TNKS: variants seen among roughly 807,000 people sequenced by gnomAD.
TNKS encodes the protein poly [ADP-ribose] polymerase tankyrase-1.
TNKS carries 72 observed loss-of-function variants against 135.8 expected under a neutral mutation model. The ratio of observed to expected loss-of-function variants is 0.53; its 90% confidence interval spans 0.44 to 0.64. The LOEUF (loss-of-function observed/expected upper bound fraction) is 0.64. TNKS is among the 30% of genes least tolerant of loss of function. TNKS has a pLI of 0.00. For synonymous variants in TNKS, 849 were observed against 649.3 expected (o/e 1.31, Z -4.68); for missense variants, 1,769 against 1,674.0 (o/e 1.06, Z -0.99).
At chr8:9,573,106 T>G (rs1291806117) in intron 1 of TNKS, among the ~76,000 whole-genome samples, 1 of 152,146 alleles carries the variant, frequency 6.6e-6, no homozygotes, top group Non-Finnish European at 1.5e-5. Flanking sequence ...AAGATAATGA[T>G]GAACAAGTCA....
At chr8:9,567,511 G>A (rs1797589675) in intron 1 of TNKS, among the ~76,000 whole-genome samples, 1 of 152,184 alleles carries the variant, frequency 6.6e-6, no homozygotes, top group African/African-American at 2.4e-5. Flanking sequence ...TGCCTCCCGG[G>A]TTCACGCCAT....
Position 9,580,403 on chromosome 8 carries a change from A to G in TNKS, c.898+20A>G, listed in dbSNP as rs374237324. ...GCATTGGTAAGTATCATTTGATGAT[A>G]TCTAAATTTTAAATAAAGGTTTATT... On this transcript the variant is annotated intron_variant, in intron 2 of 26. Coordinates refer to ENST00000310430, the MANE Select transcript of TNKS (RefSeq NM_003747.3). The G allele has an allele frequency of 1.6e-5, 25 of 1,601,128 alleles. No homozygotes were observed. Among genetic ancestry groups the G allele is most frequent in the Middle Eastern group, 1.7e-4 (1 of 6,048 alleles).
At chr8:9,635,051 G>GCGCGGCCA (rs1800456810) in intron 3 of TNKS, among the ~76,000 whole-genome samples, 1 of 152,094 alleles carries the variant, frequency 6.6e-6, no homozygotes, top group Admixed American at 6.5e-5. Context: ...GCGCCTGTAG[G>GCGCGGCCA]CGCGGCCACT....
chr8:9,675,628 T>C (rs4272381), intron 3 of TNKS, among the ~76,000 whole-genome samples: 9,990 of 152,302 alleles, frequency 0.066, 659 homozygotes, highest in East Asian at 0.22. Flanking sequence ...TTGCTTGTTA[T>C]ATTGATGTGA....
intron 2 of TNKS, among the ~76,000 whole-genome samples, chr8:9,605,103 A>T (rs1439006638): frequency 6.6e-6 from 1 of 152,086 alleles, no homozygotes; most frequent in Non-Finnish European, 1.5e-5. Context: ...TACCCATATA[A>T]CTACCACTCT....
chr8:9,613,879 A>G (rs1799547920), intron 2 of TNKS, among the ~76,000 whole-genome samples: 1 of 152,226 alleles, frequency 6.6e-6, no homozygotes, highest in Admixed American at 6.5e-5. Context: ...ATTAAAAACT[A>G]CAAAATGAAA....
intron 13 of TNKS, among the ~76,000 whole-genome samples, chr8:9,727,977 T>C (rs1805245309): frequency 6.6e-6 from 1 of 152,224 alleles, no homozygotes; most frequent in Non-Finnish European, 1.5e-5. Context: ...AAGAAAATTC[T>C]TAAATATAAG....
In TNKS at chr8:9,730,930, A is replaced by G. The variant is rs1215760901; in HGVS notation, c.2042A>G (p.Glu681Gly). Residue 681 changes from glutamate (E) to glycine (G), a missense_variant, in exon 14 of 27, where the codon GAG becomes GGG. Glu to Gly is a moderately conservative substitution (Grantham distance 98, BLOSUM62 -2). This residue lies in a region of TNKS where 69 missense variants were observed against 120.3 expected (regional missense o/e 0.57). Transcript: ENST00000310430. ...CAAAATGTGAATTGTAGAGACTTAG[A>G]GGGCCGGCATTCCACGCCCTTACAC... ...SSQNVNCRDL[E>G]GRHSTPLHFA... 6.2e-7 allele frequency: 1 copy of G among 1,614,044 alleles called. No individual in the cohort carries two copies. The highest frequency in any genetic ancestry group is 8.5e-7 in the Non-Finnish European group (1 of 1,179,982).
chr8:9,587,406 T>TC (rs1798424479), intron 2 of TNKS, among the ~76,000 whole-genome samples: 1 of 151,712 alleles, frequency 6.6e-6, no homozygotes, highest in East Asian at 1.9e-4. Flanking sequence ...GATTTTTTTT[T>TC]TTTTTTTTCT....
At chr8:9,692,994 G>T (rs145914778) in intron 5 of TNKS, among the ~76,000 whole-genome samples, 4 of 152,246 alleles carry the variant, frequency 2.6e-5, no homozygotes, top group African/African-American at 7.2e-5. Context: ...TTGCTTCTTA[G>T]TTTCTTAGCA....
At chr8:9,659,615 T>G (rs1801596931) in intron 3 of TNKS, among the ~76,000 whole-genome samples, 1 of 152,048 alleles carries the variant, frequency 6.6e-6, no homozygotes, top group East Asian at 1.9e-4. Context: ...TAGCACTAAA[T>G]GCCCACAAGA....
chr8:9,745,084 C>T (rs984455393), intron 17 of TNKS, among the ~76,000 whole-genome samples: 21 of 151,844 alleles, frequency 1.4e-4, no homozygotes, highest in African/African-American at 4.8e-4. Context: ...GTTTAAGTAG[C>T]TTGTAACCTC....
rs1215662362 is a variant in TNKS at position 9,778,897 on chromosome 8, CTG to C, written c.*2164_*2165del. 6.6e-6 allele frequency: 1 copy of C among 152,176 alleles called. No individual in the cohort carries two copies. The highest frequency in any genetic ancestry group is 1.5e-5 in the Non-Finnish European group (1 of 68,042). The allele number at this position is 152,176 out of a possible 1,614,324, so 9.4% of individuals were successfully genotyped here. On this transcript the variant is annotated 3_prime_UTR_variant, in exon 27 of 27. Transcript: ENST00000310430. The stretch of plus-strand genomic sequence containing the variant: ...ATTAAAAAGATAAACCACTACCTAA[CTG>C]TGGTTGTATGTTGTTTCCATCATAC...
intron 18 of TNKS, among the ~76,000 whole-genome samples, chr8:9,750,859 C>A (rs973669479): frequency 2.0e-5 from 3 of 152,234 alleles, no homozygotes; most frequent in Admixed American, 1.3e-4. Context: ...TCCAAGATGG[C>A]CTTTCATCCC....
intron 23 of TNKS, among the ~76,000 whole-genome samples, 176 bp downstream of exon 23, chr8:9,764,966 A>G (rs991911545): frequency 2.6e-5 from 4 of 152,242 alleles, no homozygotes; most frequent in South Asian, 4.1e-4. Flanking sequence ...CCCCAAGACA[A>G]TACGTCACTA....
At position 9,776,615 on chromosome 8, in the gene TNKS, G is replaced by A. The variant is rs1332388694; in HGVS notation, c.3898-35G>A. Reference sequence around the variant, plus strand: ...CAAGGCTTTAATATTGTGCCTACTAGAAGGGTGATTTGTTTTTCTTCTTGT... The same window carrying A: ...CAAGGCTTTAATATTGTGCCTACTAAAAGGGTGATTTGTTTTTCTTCTTGT... On this transcript the variant is annotated intron_variant, in intron 26 of 26. Transcript: ENST00000310430. 4 of 1,597,596 alleles carry A rather than the reference G, an allele frequency of 2.5e-6. No homozygotes were observed. In the South Asian group the frequency reaches 3.3e-5, roughly 13 times the overall value.
At chr8:9,610,718 C>T (rs1451399539) in intron 2 of TNKS, among the ~76,000 whole-genome samples, 41 of 152,118 alleles carry the variant, frequency 2.7e-4, no homozygotes, top group Non-Finnish European at 1.5e-5. Flanking sequence ...AAAGTAAAAA[C>T]TTCCTAAAAC....
chr8:9,711,584 C>T (rs945440239), intron 11 of TNKS, among the ~76,000 whole-genome samples: 1 of 152,070 alleles, frequency 6.6e-6, no homozygotes, highest in Non-Finnish European at 1.5e-5. Context: ...AAGGTGTTGT[C>T]ATAGTTGTGT....
At chr8:9,672,681 T>TAA (rs1382825301) in intron 3 of TNKS, among the ~76,000 whole-genome samples, 2 of 84,692 alleles carry the variant, frequency 2.4e-5, no homozygotes, top group African/African-American at 9.0e-5. Flanking sequence ...AAAAAACACA[T>TAA]ACACACACAC....
Sources: allele counts gnomAD v4.1 joint callset (sites outside exome capture counted in the v4.1 genomes callset), GRCh38; gene constraint gnomAD v4.1.1; regional missense constraint gnomAD v4.1.1; transcripts MANE v1.5; gene names NCBI Gene and HGNC (gene_info 2026-07-23, HGNC 2026-07-21).